The following MSR1 variants were observed in gnomAD, a reference collection of about 807,000 sequenced individuals.
MSR1 encodes the protein macrophage scavenger receptor types I and II.
A neutral mutation model predicts 47.2 loss-of-function variants in MSR1; 53 were observed. The observed-to-expected ratio is 1.12, with a 90% CI of 0.90 to 1.41. The LOEUF is 1.41. Ranked by LOEUF, MSR1 falls within the 40% of genes most tolerant of loss-of-function variation. The probability of loss-of-function intolerance (pLI) is 0.00; values close to 1 mark genes in which losing one functional copy is unlikely to be tolerated. For synonymous variants in MSR1, 239 were observed against 185.6 expected, an observed-to-expected ratio of 1.29 and a Z score of -2.34; for missense variants, 786 against 546.9, an observed-to-expected ratio of 1.44 and a Z score of -4.36.
intron 8 of MSR1, among the ~76,000 whole-genome samples, chr8:16,128,960 A>G (rs1295627634): frequency 6.6e-6 from 1 of 152,188 alleles, no homozygotes; most frequent in Non-Finnish European, 1.5e-5. Context: ...TAGTATTTCT[A>G]GGTGCAGGTA....
intron 3 of MSR1, among the ~76,000 whole-genome samples, chr8:16,169,441 G>A (rs1409954163): frequency 6.6e-6 from 1 of 152,118 alleles, no homozygotes; most frequent in Non-Finnish European, 1.5e-5. Context: ...CACAGTTGGT[G>A]GAGCAGGAAA....
At chr8:16,186,637 CTT>C (rs5889637) in intron 1 of MSR1, among the ~76,000 whole-genome samples, 10,513 of 143,608 alleles carry the variant, frequency 0.073, 646 homozygotes, top group East Asian at 0.32. Flanking sequence ...CGTGACATTT[CTT>C]TTTTTTTTTT....
intron 2 of MSR1, among the ~76,000 whole-genome samples, chr8:16,175,536 T>C (rs1801621316): frequency 6.6e-6 from 1 of 152,212 alleles, no homozygotes; most frequent in South Asian, 2.1e-4. Flanking sequence ...TACAAGAAAG[T>C]TACTGTGCTC....
chr8:16,120,703 A>C, intron 8 of MSR1, 97 bp from the exon 9 acceptor site: 1 of 1,377,502 alleles, frequency 7.3e-7, no homozygotes, highest in Non-Finnish European at 9.7e-7. Context: ...AACACAAAAA[A>C]ATGTTTAGCA....
chr8:16,186,599 C>T (rs548613229), intron 1 of MSR1, among the ~76,000 whole-genome samples: 1 of 151,872 alleles, frequency 6.6e-6, no homozygotes, highest in Non-Finnish European at 1.5e-5. Flanking sequence ...TTGCTAGCAT[C>T]CTGTCCAAGC....
chr8:16,128,352 G>T (rs778217571), intron 8 of MSR1, among the ~76,000 whole-genome samples: 2 of 151,986 alleles, frequency 1.3e-5, no homozygotes, highest in Non-Finnish European at 2.9e-5. Flanking sequence ...GGTCATAAGG[G>T]CAGAATCCTA....
At chr8:16,188,761 G>A (rs539795011) in intron 1 of MSR1, among the ~76,000 whole-genome samples, 4 of 151,994 alleles carry the variant, frequency 2.6e-5, no homozygotes, top group Middle Eastern at 3.4e-3. Flanking sequence ...AACATGCAGT[G>A]TTTCTTTTTC....
Position 16,177,992 on chromosome 8 carries a change from T to C in MSR1, c.-4A>G, listed in dbSNP as rs367683463. On this transcript the variant is annotated splice_region_variant and 5_prime_UTR_variant, in exon 2 of 10. Transcript: ENST00000262101. Reference sequence around the variant, plus strand: ...GAAAGTGATCCCACTGCTCCATACTTCTATGAAACAAAATGGAAAAATATA... The same window carrying C: ...GAAAGTGATCCCACTGCTCCATACTCCTATGAAACAAAATGGAAAAATATA... 7 of 1,611,326 alleles carry C rather than the reference T, an allele frequency of 4.3e-6. No homozygotes were observed. Among genetic ancestry groups the C allele is most frequent in the South Asian group, 1.1e-5 (1 of 91,012 alleles).
intron 8 of MSR1, among the ~76,000 whole-genome samples, chr8:16,136,908 C>A (rs1308742023): frequency 2.6e-5 from 4 of 152,034 alleles, no homozygotes; most frequent in African/African-American, 9.7e-5. Context: ...TGTGAACCCA[C>A]AGAAAGCTCT....
At chr8:16,160,870 G>A (rs1801141006) in intron 5 of MSR1, among the ~76,000 whole-genome samples, 1 of 151,708 alleles carries the variant, frequency 6.6e-6, no homozygotes, top group Non-Finnish European at 1.5e-5. Flanking sequence ...AGAAAATTAG[G>A]GCAGAGAAGT....
At chr8:16,114,279 AG>A (rs1468462890) in intron 9 of MSR1, among the ~76,000 whole-genome samples, 1 of 152,128 alleles carries the variant, frequency 6.6e-6, no homozygotes, top group African/African-American at 2.4e-5. Context: ...GGTATGTAAA[AG>A]TGGTAATAAA....
At chr8:16,151,568 A>G (rs1190058166) in intron 6 of MSR1, among the ~76,000 whole-genome samples, 1 of 152,040 alleles carries the variant, frequency 6.6e-6, no homozygotes, top group African/African-American at 2.4e-5. Flanking sequence ...CAATTAACTA[A>G]TTTTCTACAA....
Position 16,109,531 on chromosome 8 carries a change from C to A in MSR1, c.*554G>T, listed in dbSNP as rs905219102. The A allele has an allele frequency of 2.5e-5, 4 of 158,456 alleles. No homozygotes were observed. In the South Asian group the frequency reaches 7.3e-4, roughly 29 times the overall value. The allele number at this position is 158,456 out of a possible 1,614,324, so 9.8% of individuals were successfully genotyped here. On this transcript the variant is annotated 3_prime_UTR_variant, in exon 10 of 10. Transcript: ENST00000262101. ...GCTCCCTGGTCCATAGTGGCCAAGA[C>A]ATATCATTAACATTGATATCTAATA... is the stretch of plus-strand genomic sequence containing the variant.
intron 9 of MSR1, among the ~76,000 whole-genome samples, chr8:16,120,028 C>G (rs961676505): frequency 2.0e-5 from 3 of 151,988 alleles, no homozygotes; most frequent in African/African-American, 7.2e-5. Context: ...GACTATGTTC[C>G]TGTCACTACT....
chr8:16,186,426 T>A (rs1019572028), intron 1 of MSR1, among the ~76,000 whole-genome samples: 3 of 152,258 alleles, frequency 2.0e-5, no homozygotes, highest in East Asian at 3.9e-4. Context: ...CAAACCCATA[T>A]ATGCACTGCC....
intron 5 of MSR1, among the ~76,000 whole-genome samples, chr8:16,163,727 A>C (rs1801224407): frequency 6.6e-6 from 1 of 151,790 alleles, no homozygotes; most frequent in African/African-American, 2.4e-5. Context: ...AGTTTTGGAA[A>C]AGCAATATTA....
intron 8 of MSR1, chr8:16,140,505 C>G: frequency 1.0e-6 from 1 of 992,318 alleles, no homozygotes; most frequent in South Asian, 4.6e-5. Context: ...GCGAGAAATA[C>G]TACCAAACCA....
intron 9 of MSR1, among the ~76,000 whole-genome samples, chr8:16,119,824 A>G (rs1799955103): frequency 6.8e-6 from 1 of 148,064 alleles, no homozygotes; most frequent in South Asian, 2.2e-4. Flanking sequence ...CTCCCACCTC[A>G]GCCTCTGTAG....
rs1333067199 is a variant in MSR1 at position 16,108,394 on chromosome 8, T to G, written c.*1691A>C. The G allele has an allele frequency of 6.7e-6, 1 of 149,236 alleles. No homozygotes were observed. Among genetic ancestry groups the G allele is most frequent in the East Asian group, 2.0e-4 (1 of 4,892 alleles). 9.2% of individuals were successfully genotyped at this position (149,236 alleles called of 1,614,324 possible). A position where few individuals can be genotyped will look rare whatever the true frequency, so the allele number is the denominator to read the frequency against. ...ATTTCAGACATCCCATGCATACCAC[T>G]TACGCATAAGTAGTAAATCAGCATA... On this transcript the variant is annotated 3_prime_UTR_variant, in exon 10 of 10. Coordinates refer to ENST00000262101, the MANE Select transcript of MSR1 (RefSeq NM_138715.3).
Sources: allele counts gnomAD v4.1 joint callset (sites outside exome capture counted in the v4.1 genomes callset), GRCh38; gene constraint gnomAD v4.1.1; transcripts MANE v1.5; gene names NCBI Gene and HGNC (gene_info 2026-07-23, HGNC 2026-07-21).